Variants in RFX3 observed in about 807,000 individuals in gnomAD.
RFX3 encodes the protein regulatory factor X3.
A neutral mutation model predicts 98.6 loss-of-function variants in RFX3; 14 were observed. The observed-to-expected ratio is 0.14, with a 90% CI of 0.09 to 0.22. RFX3 has a LOEUF of 0.22. Among genes scored for constraint, RFX3 ranks in the 10% least tolerant of loss-of-function variants. RFX3 has a pLI of 1.00. For missense variants in RFX3, 639 were observed against 926.9 expected (o/e 0.69, Z 4.03); for synonymous variants, 383 against 328.4 (o/e 1.17, Z -1.80).
chr9:3,312,784 G>C (rs897625899), intron 4 of RFX3, among the ~76,000 whole-genome samples: 4 of 152,226 alleles, frequency 2.6e-5, no homozygotes, highest in African/African-American at 9.6e-5. Flanking sequence ...ACCAGTCTGA[G>C]ATTGAACTGC....
At chr9:3,411,861 G>T (rs1185530587) in intron 1 of RFX3, among the ~76,000 whole-genome samples, 1 of 151,980 alleles carries the variant, frequency 6.6e-6, no homozygotes. Flanking sequence ...TCAAACACTG[G>T]CTACACAACA....
chr9:3,488,788 G>T (rs1003151789), intron 1 of RFX3: 6 of 985,252 alleles, frequency 6.1e-6, no homozygotes, highest in Non-Finnish European at 6.0e-6. Flanking sequence ...AGAACCACAA[G>T]TTTGAAATGG....
rs141381269 is a variant in RFX3, at chr9:3,433,537, C to T, written c.-8-37941G>A. Reference sequence around the variant, plus strand: ...TGGCAAGCCTATTAATAGTTAAGTTCTGAGGGAGTCAAAAGTTATAGCTAG... The same window carrying T: ...TGGCAAGCCTATTAATAGTTAAGTTTTGAGGGAGTCAAAAGTTATAGCTAG... On this transcript the variant is annotated intron_variant, in intron 1 of 16. Transcript: ENST00000617270. Among the ~76,000 whole-genome samples the T allele has an allele frequency of 2.3e-3, 348 of 152,226 alleles. 1 individual carries two copies. The highest frequency in any genetic ancestry group is 6.8e-3 in the Middle Eastern group (2 of 294).
At chr9:3,297,636 C>CTTA (rs1274031911) in intron 5 of RFX3, among the ~76,000 whole-genome samples, 4 of 151,848 alleles carry the variant, frequency 2.6e-5, no homozygotes, top group African/African-American at 7.3e-5. Flanking sequence ...TTTGACAGGC[C>CTTA]TTATTTCTGT....
At chr9:3,517,390 T>C (rs1374032384) in intron 1 of RFX3, among the ~76,000 whole-genome samples, 1 of 152,236 alleles carries the variant, frequency 6.6e-6, no homozygotes, top group African/African-American at 2.4e-5. Flanking sequence ...TCTCCTTTTA[T>C]CATCTTTCAC....
At chr9:3,434,661 T>G (rs969707391) in intron 1 of RFX3, among the ~76,000 whole-genome samples, 2 of 152,056 alleles carry the variant, frequency 1.3e-5, no homozygotes, top group African/African-American at 4.8e-5. Flanking sequence ...TAGAAAGCAG[T>G]GCAGTAAGTG....
At chr9:3,258,418 C>A (rs1430546492) in intron 13 of RFX3, among the ~76,000 whole-genome samples, 1 of 152,130 alleles carries the variant, frequency 6.6e-6, no homozygotes, top group Non-Finnish European at 1.5e-5. Context: ...CAGTATCTCT[C>A]CTGATCCTAC....
At chr9:3,313,309 T>C (rs1830184906) in intron 4 of RFX3, among the ~76,000 whole-genome samples, 1 of 152,216 alleles carries the variant, frequency 6.6e-6, no homozygotes, top group Non-Finnish European at 1.5e-5. Context: ...GGGTCCTGAC[T>C]GTTAGAAGGA....
intron 1 of RFX3, among the ~76,000 whole-genome samples, chr9:3,437,887 G>A (rs1845290080): frequency 1.3e-5 from 2 of 151,860 alleles, no homozygotes; most frequent in South Asian, 4.2e-4. Context: ...TCAATTTTTT[G>A]AAAAATATAT....
At chr9:3,257,301 A>G (rs1822264482) in intron 13 of RFX3, 102 bp from the exon 14 acceptor site, 3 of 875,694 alleles carry the variant, frequency 3.4e-6, no homozygotes, top group Non-Finnish European at 5.3e-6. Flanking sequence ...TTATAATAAA[A>G]GCTTCACACA....
At chr9:3,266,735 G>T (rs1310422351) in intron 11 of RFX3, among the ~76,000 whole-genome samples, 1 of 151,914 alleles carries the variant, frequency 6.6e-6, no homozygotes. Context: ...TTATTAAAAA[G>T]AAAAATAATG....
intron 1 of RFX3, among the ~76,000 whole-genome samples, chr9:3,517,076 C>T (rs141678986): frequency 7.2e-5 from 11 of 152,352 alleles, no homozygotes; most frequent in Admixed American, 5.9e-4. Context: ...AAGCAAACAA[C>T]TTGCTAGCCT....
chr9:3,277,662 A>G (rs1825410911), intron 7 of RFX3, among the ~76,000 whole-genome samples: 1 of 151,964 alleles, frequency 6.6e-6, no homozygotes, highest in African/African-American at 2.4e-5. Context: ...GGGAGAAGGG[A>G]TGCATGAAGG....
At chr9:3,366,304 T>C (rs143685027) in intron 2 of RFX3, among the ~76,000 whole-genome samples, 1 of 152,160 alleles carries the variant, frequency 6.6e-6, no homozygotes, top group Non-Finnish European at 1.5e-5. Flanking sequence ...ATGTGTGTTT[T>C]CCTACTTCTT....
intron 1 of RFX3, among the ~76,000 whole-genome samples, chr9:3,492,002 T>C (rs949633210): frequency 1.3e-5 from 2 of 152,168 alleles, no homozygotes; most frequent in African/African-American, 4.8e-5. Context: ...TTATTTTCCT[T>C]GTTTCTTTCT....
rs1380395285 is a variant in RFX3, at chr9:3,220,437, A to G, written c.*4605T>C. 1 of 152,128 alleles carries G rather than the reference A, an allele frequency of 6.6e-6. No individual in the cohort carries two copies. The highest frequency in any genetic ancestry group is 1.5e-5 in the Non-Finnish European group (1 of 68,026). The allele number at this position is 152,128 out of a possible 1,614,324, so 9.4% of individuals were successfully genotyped here. A position where few individuals can be genotyped will look rare whatever the true frequency, so the allele number is the denominator to read the frequency against. ...CAGAAATCAGTTATGACATAGGTCT[A>G]TCCAGGCCCATGTATTTGTCCTCCT... On this transcript the variant is annotated 3_prime_UTR_variant, in exon 17 of 17. Coordinates refer to ENST00000617270, the MANE Select transcript of RFX3 (RefSeq NM_001282116.2).
At chr9:3,407,462 C>T (rs1010885072) in intron 1 of RFX3, among the ~76,000 whole-genome samples, 12 of 152,026 alleles carry the variant, frequency 7.9e-5, no homozygotes, top group Non-Finnish European at 4.4e-5. Flanking sequence ...ATAATTCCAT[C>T]AGCACCAAGG....
chr9:3,374,473 G>C (rs575963195), intron 2 of RFX3, among the ~76,000 whole-genome samples: 83 of 152,192 alleles, frequency 5.5e-4, no homozygotes, highest in African/African-American at 1.8e-3. Context: ...AAGTATCCAA[G>C]GGAAGATGAA....
chr9:3,491,237 A>G (rs1265779985), intron 1 of RFX3, among the ~76,000 whole-genome samples: 1 of 152,292 alleles, frequency 6.6e-6, no homozygotes, highest in African/African-American at 2.4e-5. Flanking sequence ...CAGGACAAGG[A>G]TCACTAAAAC....
Sources: allele counts gnomAD v4.1 joint callset (sites outside exome capture counted in the v4.1 genomes callset), GRCh38; gene constraint gnomAD v4.1.1; transcripts MANE v1.5; gene names NCBI Gene and HGNC (gene_info 2026-07-23, HGNC 2026-07-21).